The following MX2 variants were observed in gnomAD, a reference collection of about 807,000 sequenced individuals.
MX2 encodes the protein interferon-induced GTP-binding protein Mx2.
In MX2, 51 loss-of-function variants were observed where a neutral mutation model predicts 74.0. The ratio of observed to expected loss-of-function variants is 0.69; its 90% CI spans 0.55 to 0.87. MX2 has a LOEUF of 0.87. Among genes scored for constraint, MX2 ranks in the 40% least tolerant of loss-of-function variants. The pLI is 0.00. For missense variants in MX2, 832 were observed against 908.7 expected, an observed-to-expected ratio of 0.92 and a Z score of 1.09; for synonymous variants, 369 against 339.3, an observed-to-expected ratio of 1.09 and a Z score of -0.96.
chr21:41,404,885 A>C (rs898982330), intron 12 of MX2: 2 of 151,208 alleles, frequency 1.3e-5, no homozygotes, highest in Non-Finnish European at 2.9e-5. Flanking sequence ...AAAAAAAAAA[A>C]AAAAAAGAAA....
In MX2 at chr21:41,389,317, C is replaced by T. The variant is rs530092053; in HGVS notation, c.733-1248C>T. On this transcript the variant is annotated intron_variant, in intron 5 of 13. Coordinates refer to ENST00000330714, the MANE Select transcript of MX2 (RefSeq NM_002463.2). ...ATTACTTGCGGCCAGGAGTTCAAGA[C>T]CAACCTGGGCAAGGTAGCAAGACCC... Among the ~76,000 whole-genome samples the T allele has an allele frequency of 7.9e-5, 12 of 152,108 alleles. No individual in the cohort carries two copies. In the South Asian group the frequency reaches 2.3e-3, roughly 29 times the overall value.
chr21:41,392,515 G>A (rs937056851), intron 6 of MX2, among the ~76,000 whole-genome samples: 4 of 152,286 alleles, frequency 2.6e-5, no homozygotes, highest in African/African-American at 9.6e-5. Context: ...GGAGGGTGGG[G>A]AAGTGGGAAA....
At position 41,402,265 on chromosome 21, in the gene MX2, C is replaced by T; in HGVS notation, c.1573+137C>T. On this transcript the variant is annotated intron_variant, in intron 11 of 13. Transcript: ENST00000330714. The surrounding 1 kb of genome is among the most constrained non-coding windows in gnomAD (Gnocchi z 4.5). Reference sequence around the variant, plus strand: ...CTCACTGGTGTGCTAGATTGCTACTCTGTGTGGTCTGTGAGCCAGCAGCAC... The same window carrying T: ...CTCACTGGTGTGCTAGATTGCTACTTTGTGTGGTCTGTGAGCCAGCAGCAC... The T allele has an allele frequency of 4.0e-6, 4 of 1,008,450 alleles. No individual in the cohort carries two copies. Among genetic ancestry groups the T allele is most frequent in the Non-Finnish European group, 5.6e-6 (4 of 712,334 alleles). 62.5% of individuals were successfully genotyped at this position (1,008,450 alleles called of 1,614,324 possible).
At chr21:41,399,054 A>G (rs778522829) in intron 9 of MX2, 35 bp downstream of exon 9, 20 of 1,602,656 alleles carry the variant, frequency 1.2e-5, no homozygotes, top group African/African-American at 2.7e-5. Context: ...GTGACACTGC[A>G]TCCTTCCCTG....
At position 41,377,054 on chromosome 21, in the gene MX2, C is replaced by A. The variant is rs1394865154; in HGVS notation, c.148C>A (p.Gln50Lys). Residue 50 changes from glutamine (Q) to lysine (K), a missense_variant, in exon 2 of 14, where the codon CAG becomes AAG. By Grantham distance (53) the Gln-to-Lys change is moderately conservative. Transcript: ENST00000330714. Reference sequence around the variant, plus strand: ...ACAAATGATGTTTCCTCCAAACTGGCAGGGGGCAGAGAAGGACGCTGCTTT... The same window carrying A: ...ACAAATGATGTTTCCTCCAAACTGGAAGGGGGCAGAGAAGGACGCTGCTTT... The part of the protein sequence containing the change: ...PPQMMFPPNW[Q>K]GAEKDAAFLA... 6.2e-7 allele frequency: 1 copy of A among 1,614,212 alleles called. No homozygotes were observed. Among genetic ancestry groups the A allele is most frequent in the Non-Finnish European group, 8.5e-7 (1 of 1,180,034 alleles).
chr21:41,365,401 C>T (rs1440492287), intron 1 of MX2: 2 of 152,158 alleles, frequency 1.3e-5, no homozygotes, highest in African/African-American at 2.4e-5. Context: ...CTTGAGTAGG[C>T]TCAGGTGTCT....
At chr21:41,398,850 C>G in intron 8 of MX2, 47 bp from the exon 9 acceptor site, 2 of 1,590,446 alleles carry the variant, frequency 1.3e-6, no homozygotes, top group Non-Finnish European at 1.7e-6. Context: ...AATCAGTTGG[C>G]CAATCTCTTA....
chr21:41,405,963 C>A (rs112990226), intron 12 of MX2, among the ~76,000 whole-genome samples: 19 of 152,198 alleles, frequency 1.2e-4, no homozygotes, highest in East Asian at 3.9e-4. Context: ...CTCAGCCTCC[C>A]AAAGTGCTGG....
intron 5 of MX2, among the ~76,000 whole-genome samples, chr21:41,385,443 A>G (rs2089558395): frequency 1.3e-5 from 2 of 152,058 alleles, no homozygotes; most frequent in East Asian, 1.9e-4. Flanking sequence ...CATGAGATCT[A>G]ATGGTTTTAT....
chr21:41,391,110 G>A (rs984120207), intron 6 of MX2, among the ~76,000 whole-genome samples: 5 of 152,092 alleles, frequency 3.3e-5, no homozygotes, highest in East Asian at 1.9e-4. Flanking sequence ...ATATGCCAGT[G>A]TGTCCTGCGC....
intron 6 of MX2, among the ~76,000 whole-genome samples, chr21:41,394,505 T>G (rs1038279763): frequency 3.3e-5 from 5 of 152,248 alleles, no homozygotes; most frequent in Admixed American, 1.3e-4. Flanking sequence ...CGTCACTTTA[T>G]GTTAATTCTC....
intron 12 of MX2, among the ~76,000 whole-genome samples, chr21:41,405,920 T>C (rs2145976900): frequency 6.6e-6 from 1 of 151,256 alleles, no homozygotes; most frequent in South Asian, 2.1e-4. Context: ...GCCAAGCTGG[T>C]CTCAAACTCC....
chr21:41,407,900 G>A (rs1404661511), intron 13 of MX2, 91 bp from the exon 14 acceptor site: 2 of 1,536,654 alleles, frequency 1.3e-6, no homozygotes, highest in East Asian at 2.3e-5. Context: ...AGGCAACCAT[G>A]TGCGCATCCA....
chr21:41,390,744 GCC>G, intron 6 of MX2, 41 bp downstream of exon 6: 1 of 1,606,098 alleles, frequency 6.2e-7, no homozygotes, highest in South Asian at 1.1e-5. Flanking sequence ...GGTGGCTCAA[GCC>G]TGTAATCCCA....
At chr21:41,385,599 G>C (rs573386753) in intron 5 of MX2, among the ~76,000 whole-genome samples, 1 of 152,250 alleles carries the variant, frequency 6.6e-6, no homozygotes, top group South Asian at 2.1e-4. Context: ...AAATTTCGCT[G>C]TCTCTGGTAT....
intron 1 of MX2, among the ~76,000 whole-genome samples, chr21:41,371,876 G>A (rs571202368): frequency 5.9e-5 from 9 of 152,124 alleles, no homozygotes; most frequent in Non-Finnish European, 1.3e-4. Flanking sequence ...ACAGATAGAG[G>A]CCAAGACCGC....
chr21:41,402,196 A>G lies in MX2; in HGVS notation c.1573+68A>G. 2.0e-6 allele frequency: 3 copies of G among 1,526,588 alleles called. No individual in the cohort carries two copies. Among genetic ancestry groups the G allele is most frequent in the Non-Finnish European group, 2.6e-6 (3 of 1,133,522 alleles). 94.6% of individuals were successfully genotyped at this position (1,526,588 alleles called of 1,614,324 possible). A position where few individuals can be genotyped will look rare whatever the true frequency, so the allele number is the denominator to read the frequency against. ...CCTTCCATAGACCCCAGTGCCTTGG[A>G]GGGAGAGATTGGAATGGAGTTACCA... is the stretch of plus-strand genomic sequence containing the variant. On this transcript the variant is annotated intron_variant, in intron 11 of 13. Transcript: ENST00000330714. The surrounding 1 kb of genome is among the most constrained non-coding windows in gnomAD (Gnocchi z 4.5).
chr21:41,362,819 C>T (rs933999214), intron 1 of MX2, among the ~76,000 whole-genome samples: 5 of 121,692 alleles, frequency 4.1e-5, no homozygotes, highest in Non-Finnish European at 8.0e-5. Flanking sequence ...AGTGCAGTGG[C>T]GTGATCATGG....
At chr21:41,399,588 CAG>C in intron 10 of MX2, 1 of 379,620 alleles carries the variant, frequency 2.6e-6, no homozygotes, top group African/African-American at 2.0e-5. Flanking sequence ...TTTGTTGAGA[CAG>C]GGTCTCCCTC....
Sources: allele counts gnomAD v4.1 joint callset (sites outside exome capture counted in the v4.1 genomes callset), GRCh38; gene constraint gnomAD v4.1.1; non-coding constraint Gnocchi (gnomAD v3.1); transcripts MANE v1.5; gene names NCBI Gene and HGNC (gene_info 2026-07-23, HGNC 2026-07-21).